SGCD: variants seen among roughly 807,000 people sequenced by gnomAD.
The protein encoded by SGCD is delta-sarcoglycan.
A neutral mutation model predicts 36.6 loss-of-function variants in SGCD; 18 were observed. The observed-to-expected ratio is 0.49, with a 90% CI of 0.34 to 0.73. SGCD has a LOEUF of 0.73. Ranked by LOEUF, SGCD falls within the 30% of genes least tolerant of loss-of-function variation. SGCD has a pLI of 0.01. For synonymous variants in SGCD, 133 were observed against 130.6 expected (o/e 1.02, Z -0.12); for missense variants, 387 against 346.7 (o/e 1.12, Z -0.92).
intron 3 of SGCD, among the ~76,000 whole-genome samples, chr5:156,501,033 T>A (rs958228954): frequency 2.0e-4 from 30 of 152,110 alleles, no homozygotes; most frequent in African/African-American, 7.2e-4. Context: ...GAGGTCCAAA[T>A]GTTCTGCCTC....
At chr5:156,219,727 T>C (rs918367291) in intron 3 of SGCD, among the ~76,000 whole-genome samples, 13 of 152,238 alleles carry the variant, frequency 8.5e-5, no homozygotes, top group African/African-American at 2.7e-4. Context: ...TTCTGCTATC[T>C]AGACCTCAGT....
At chr5:156,295,768 A>T (rs150823645) in intron 3 of SGCD, among the ~76,000 whole-genome samples, 1 of 152,166 alleles carries the variant, frequency 6.6e-6, no homozygotes, top group Non-Finnish European at 1.5e-5. Flanking sequence ...ATTAGCTCTT[A>T]TTTAACCTAT....
chr5:156,374,014 G>A (rs967950757), intron 3 of SGCD, among the ~76,000 whole-genome samples: 4 of 152,256 alleles, frequency 2.6e-5, no homozygotes, highest in South Asian at 2.1e-4. Context: ...TTGAAGGGGC[G>A]GGAGTGGAGT....
chr5:156,415,869 C>A (rs191882385), intron 3 of SGCD, among the ~76,000 whole-genome samples: 1 of 152,072 alleles, frequency 6.6e-6, no homozygotes, highest in Non-Finnish European at 1.5e-5. Context: ...AGGGGAAAGT[C>A]GCTTTAAAAC....
chr5:156,710,623 G>A (rs940632630), intron 7 of SGCD, among the ~76,000 whole-genome samples: 3 of 152,194 alleles, frequency 2.0e-5, no homozygotes, highest in Non-Finnish European at 4.4e-5. Flanking sequence ...CTCAAAGCAG[G>A]TAAAGGTGGA....
At chr5:155,753,202 T>G in the SGCD span, among the ~76,000 whole-genome samples, 1 of 152,048 alleles carries the variant, frequency 6.6e-6, no homozygotes, top group African/African-American at 2.4e-5. Context: ...CTGGGCATGG[T>G]GGCACGCGCC....
chr5:155,834,581 G>A, the SGCD span, among the ~76,000 whole-genome samples: 1 of 152,154 alleles, frequency 6.6e-6, no homozygotes, highest in East Asian at 1.9e-4. Flanking sequence ...TTAGTGTTTG[G>A]GTGAGTTTTA....
chr5:155,904,528 A>T (rs1026994290), intron 1 of SGCD, among the ~76,000 whole-genome samples: 2 of 152,174 alleles, frequency 1.3e-5, no homozygotes, highest in Non-Finnish European at 2.9e-5. Context: ...GTTTTATTTT[A>T]AAATATATAA....
At chr5:156,335,834 A>G (rs768216054) in intron 2 of SGCD, among the ~76,000 whole-genome samples, 5 of 152,124 alleles carry the variant, frequency 3.3e-5, no homozygotes, top group Non-Finnish European at 5.9e-5. Flanking sequence ...TTCCAGATAC[A>G]GCAACTCCCC....
chr5:156,300,784 C>T lies in SGCD; in HGVS notation c.-43-28750C>T, dbSNP rs73302690. The stretch of plus-strand genomic sequence containing the variant: ...TTCTAATATTATTTGCTTTGTATAT[C>T]TGAGCGCTCCATTCTTGGGTGCATA... On this transcript the variant is annotated intron_variant, in intron 3 of 9. Coordinates refer to the SGCD transcript ENST00000517913. Among the ~76,000 whole-genome samples the T allele has an allele frequency of 9.7e-3, 1,476 of 152,138 alleles. 25 individuals carry two copies. Among genetic ancestry groups the T allele is most frequent in the African/African-American group, 0.034 (1,422 of 41,546 alleles).
At chr5:155,889,463 T>C (rs1325273189) in intron 1 of SGCD, among the ~76,000 whole-genome samples, 2 of 152,132 alleles carry the variant, frequency 1.3e-5, no homozygotes, top group African/African-American at 2.4e-5. Context: ...TTTTGCTGCA[T>C]AGAAGATTCA....
intron 3 of SGCD, among the ~76,000 whole-genome samples, chr5:156,428,124 T>G (rs986744201): frequency 6.6e-6 from 1 of 152,184 alleles, no homozygotes; most frequent in Non-Finnish European, 1.5e-5. Context: ...CAATTCCTTT[T>G]TTAATGTCTG....
Position 156,256,320 on chromosome 5 carries a change from T to C in SGCD, c.-43-73214T>C, listed in dbSNP as rs559135289. On this transcript the variant is annotated intron_variant, in intron 3 of 9. Transcript: ENST00000517913. ...TTTATTTCCCAGCGGAAATCTCCCT[T>C]CAGCCCCTTTCCAGTTGTCCCACCT... 3.3e-5 allele frequency among the ~76,000 whole-genome samples: 5 copies of C among 152,348 alleles called. No homozygotes were observed. In the East Asian group the frequency reaches 9.6e-4, roughly 29 times the overall value.
chr5:156,240,607 G>A (rs776339082), intron 3 of SGCD, among the ~76,000 whole-genome samples: 10 of 152,264 alleles, frequency 6.6e-5, no homozygotes, highest in Non-Finnish European at 1.0e-4. Context: ...GATAAGAACC[G>A]AAATTCAGAT....
rs927364487 is a variant in SGCD at position 156,089,701 on chromosome 5, G to A, written c.-281-28177G>A. ...TTTGTATTGCACACCCCTAGTGGGT[G>A]GGAGGGTAGTGATTTAAGTTTTGGG... On this transcript the variant is annotated intron_variant, in intron 1 of 9. Coordinates refer to the SGCD transcript ENST00000517913. Among the ~76,000 whole-genome samples, 13 of 152,288 alleles carry A rather than the reference G, an allele frequency of 8.5e-5. 1 individual carries two copies. Among genetic ancestry groups the A allele is most frequent in the African/African-American group, 3.1e-4 (13 of 41,562 alleles).
intron 3 of SGCD, among the ~76,000 whole-genome samples, chr5:156,479,387 C>T (rs146855555): frequency 6.6e-6 from 1 of 152,258 alleles, no homozygotes. Flanking sequence ...TGAGCCACCA[C>T]ACCTGGCCAG....
the SGCD span, among the ~76,000 whole-genome samples, chr5:155,776,254 G>C: frequency 6.6e-6 from 1 of 152,096 alleles, no homozygotes; most frequent in African/African-American, 2.4e-5. Context: ...TCCTTAGGGG[G>C]ACTCAGTCTG....
At chr5:155,793,733 G>C in the SGCD span, among the ~76,000 whole-genome samples, 3 of 151,678 alleles carry the variant, frequency 2.0e-5, no homozygotes, top group Non-Finnish European at 2.9e-5. Flanking sequence ...ATTTTTAGTA[G>C]AGACAGGGAT....
At chr5:156,048,578 A>C (rs957542769) in intron 1 of SGCD, among the ~76,000 whole-genome samples, 1 of 152,222 alleles carries the variant, frequency 6.6e-6, no homozygotes, top group African/African-American at 2.4e-5. Context: ...ATGGCCAGTG[A>C]TGATGAGCAT....
Sources: gnomAD v4.1 joint callset for allele counts (sites outside exome capture counted in the v4.1 genomes callset) on GRCh38, gnomAD v4.1.1 for gene constraint, MANE v1.5 for transcripts, NCBI Gene and HGNC (gene_info 2026-07-23, HGNC 2026-07-21) for gene names.